Variants in NHEJ1 observed in about 807,000 individuals in gnomAD.
NHEJ1 encodes the protein non-homologous end-joining factor 1.
A neutral mutation model predicts 39.4 loss-of-function variants in NHEJ1; 22 were observed. That is an observed-to-expected ratio of 0.56 (90% CI 0.40 to 0.80). The LOEUF (loss-of-function observed/expected upper bound fraction) is 0.80, where lower values mean the gene tolerates loss of function less well. NHEJ1 is among the 30% of genes least tolerant of loss of function. The pLI, the probability that NHEJ1 is intolerant of heterozygous loss-of-function variation, is 0.00. For missense variants in NHEJ1, 329 were observed against 357.1 expected (o/e 0.92, Z 0.63); for synonymous variants, 154 against 135.6 (o/e 1.14, Z -0.94).
chr2:219,128,625 A>C (rs1037595868), intron 5 of NHEJ1, among the ~76,000 whole-genome samples: 1 of 152,176 alleles, frequency 6.6e-6, no homozygotes, highest in East Asian at 1.9e-4. Flanking sequence ...GACTTCCAGC[A>C]ATGCAAGGAG....
chr2:219,085,494 C>T (rs1334024059), intron 5 of NHEJ1, among the ~76,000 whole-genome samples: 2 of 152,170 alleles, frequency 1.3e-5, no homozygotes, highest in East Asian at 1.9e-4. Context: ...GCTAACACTG[C>T]CCTGTGTTTG....
intron 5 of NHEJ1, among the ~76,000 whole-genome samples, chr2:219,081,503 T>C (rs141167189): frequency 1.1e-3 from 171 of 152,274 alleles, no homozygotes; most frequent in African/African-American, 3.9e-3. Context: ...TAACCCAGAA[T>C]CAATTCTAGT....
intron 1 of NHEJ1, chr2:219,159,056 G>A (rs1014409086): frequency 1.3e-5 from 2 of 152,956 alleles, no homozygotes; most frequent in African/African-American, 4.8e-5. Flanking sequence ...CTGTGTCCAG[G>A]AGCAACAGAA....
In NHEJ1 at chr2:219,073,800, T is replaced by G. The variant is rs755956843; in HGVS notation, c.*2581A>C. Among the ~76,000 whole-genome samples the G allele has an allele frequency of 1.2e-4, 19 of 152,242 alleles. No individual in the cohort carries two copies. Among genetic ancestry groups the G allele is most frequent in the Non-Finnish European group, 2.6e-4 (18 of 68,044 alleles). Reference sequence around the variant, plus strand: ...GCGGGTAGGCGGGGAGGTGGGCCACTGCTTTATTAAACACAGGGAAAACTA... The same window carrying G: ...GCGGGTAGGCGGGGAGGTGGGCCACGGCTTTATTAAACACAGGGAAAACTA... On this transcript the variant is annotated 3_prime_UTR_variant, in exon 8 of 8. Transcript: ENST00000356853.
chr2:219,156,082 A>G (rs1260203530), intron 3 of NHEJ1, among the ~76,000 whole-genome samples: 1 of 151,380 alleles, frequency 6.6e-6, no homozygotes, highest in Admixed American at 6.6e-5. Flanking sequence ...ACCTGTCTCT[A>G]CTAAAAAATA....
rs142636245 is a variant in NHEJ1, at chr2:219,134,983, T to C, written c.588+11697A>G. The stretch of plus-strand genomic sequence containing the variant: ...TGAAACCAGAAGGCGGAGGTTGCAG[T>C]GAGCCGAGATCGTGCCATTGCACTC... On this transcript the variant is annotated intron_variant, in intron 5 of 7. Coordinates refer to ENST00000356853, the MANE Select transcript of NHEJ1 (RefSeq NM_024782.3). Among the ~76,000 whole-genome samples the C allele has an allele frequency of 3.4e-4, 49 of 142,266 alleles. No homozygotes were observed. In the East Asian group the frequency reaches 9.3e-3, roughly 27 times the overall value. The allele number at this position is 142,266 out of a possible 152,430, so 93.3% of individuals were successfully genotyped here. A position where few individuals can be genotyped will look rare whatever the true frequency, so the allele number is the denominator to read the frequency against.
At chr2:219,124,209 G>T (rs1460982899) in intron 5 of NHEJ1, among the ~76,000 whole-genome samples, 2 of 152,192 alleles carry the variant, frequency 1.3e-5, no homozygotes, top group Admixed American at 1.3e-4. Flanking sequence ...GAGGAACTGG[G>T]AGGAGTAGGG....
intron 5 of NHEJ1, among the ~76,000 whole-genome samples, chr2:219,109,444 A>G (rs1447911842): frequency 6.6e-6 from 1 of 152,260 alleles, no homozygotes; most frequent in Non-Finnish European, 1.5e-5. Context: ...ATTAAAGTTT[A>G]TAAGTCAGAC....
chr2:219,133,588 G>A (rs1949598400), intron 5 of NHEJ1, among the ~76,000 whole-genome samples: 1 of 152,218 alleles, frequency 6.6e-6, no homozygotes, highest in Non-Finnish European at 1.5e-5. Context: ...GAAAGAGAAA[G>A]CGTTGAGAGT....
At chr2:219,138,645 G>T (rs542861406) in intron 5 of NHEJ1, among the ~76,000 whole-genome samples, 1 of 152,186 alleles carries the variant, frequency 6.6e-6, no homozygotes, top group African/African-American at 2.4e-5. Flanking sequence ...ACAGACAGGA[G>T]ATAGACCATA....
chr2:219,159,535 A>T (rs1435282738), intron 1 of NHEJ1, among the ~76,000 whole-genome samples: 1 of 82,780 alleles, frequency 1.2e-5, no homozygotes, highest in Non-Finnish European at 2.3e-5. Flanking sequence ...GCATATATAT[A>T]TGCATATATA....
At chr2:219,124,888 C>G (rs969074263) in intron 5 of NHEJ1, 3 of 152,298 alleles carry the variant, frequency 2.0e-5, no homozygotes, top group African/African-American at 7.2e-5. Flanking sequence ...CCCCAGAGCT[C>G]TCTGCAGTCC....
chr2:219,113,766 G>A (rs149835792), intron 5 of NHEJ1, among the ~76,000 whole-genome samples: 1 of 152,142 alleles, frequency 6.6e-6, no homozygotes, highest in African/African-American at 2.4e-5. Context: ...TTAAGCTACA[G>A]CCAGAACTGC....
At chr2:219,086,674 CAT>C (rs1949114284) in intron 5 of NHEJ1, among the ~76,000 whole-genome samples, 1 of 151,960 alleles carries the variant, frequency 6.6e-6, no homozygotes, top group Admixed American at 6.5e-5. Flanking sequence ...CCCTCAGAGT[CAT>C]AGCAGGAAGG....
chr2:219,159,516 T>TATATATATGC lies in NHEJ1; in HGVS notation c.1-1164_1-1155dup, dbSNP rs1409326227. Among the ~76,000 whole-genome samples, 3 of 51,862 alleles carry TATATATATGC rather than the reference T, an allele frequency of 5.8e-5. 1 individual carries two copies. Among genetic ancestry groups the TATATATATGC allele is most frequent in the African/African-American group, 2.0e-4 (3 of 15,312 alleles). 34.0% of individuals were successfully genotyped at this position (51,862 alleles called of 152,430 possible). ...CCTTGTGACTTGTGACATAACTTTATATATATATGCATATATATATGCATA... is the reference window on the plus strand; with the variant it reads ...CCTTGTGACTTGTGACATAACTTTATATATATATGCATATATATGCATATATATATGCATA... On this transcript the variant is annotated intron_variant, in intron 1 of 7. Coordinates refer to ENST00000356853, the MANE Select transcript of NHEJ1 (RefSeq NM_024782.3).
At chr2:219,158,768 A>C (rs1391757397) in intron 1 of NHEJ1, 9 of 245,822 alleles carry the variant, frequency 3.7e-5, no homozygotes, top group Non-Finnish European at 7.3e-5. Context: ...ACTAGAAGAG[A>C]AGGAATAGTT....
intron 3 of NHEJ1, among the ~76,000 whole-genome samples, 168 bp downstream of exon 3, chr2:219,157,304 A>G (rs913630772): frequency 1.2e-4 from 19 of 152,374 alleles, no homozygotes; most frequent in African/African-American, 4.6e-4. Flanking sequence ...TTTTGCAAGG[A>G]AAGGATTTAA....
intron 5 of NHEJ1, among the ~76,000 whole-genome samples, chr2:219,133,815 A>G: frequency 6.6e-6 from 1 of 152,194 alleles, no homozygotes; most frequent in East Asian, 1.9e-4. Context: ...TATCTTCAAA[A>G]TATCACCCAT....
chr2:219,130,564 AT>A (rs766635552), intron 5 of NHEJ1, among the ~76,000 whole-genome samples: 4 of 152,198 alleles, frequency 2.6e-5, no homozygotes, highest in African/African-American at 4.8e-5. Flanking sequence ...AAAGAAAGTT[AT>A]GAGTTACGAG....
Sources: allele counts gnomAD v4.1 joint callset (sites outside exome capture counted in the v4.1 genomes callset), GRCh38; gene constraint gnomAD v4.1.1; transcripts MANE v1.5; gene names NCBI Gene and HGNC (gene_info 2026-07-23, HGNC 2026-07-21).